The following IL36A variants were observed in gnomAD, a reference collection of about 807,000 sequenced individuals.
IL36A encodes interleukin-36 alpha.
IL36A carries 13 observed loss-of-function variants against 12.7 expected under a neutral mutation model. The observed-to-expected ratio is 1.02, with a 90% confidence interval of 0.67 to 1.63. IL36A has a LOEUF of 1.63. Among genes scored for constraint, IL36A ranks in the 40% most tolerant of loss-of-function variants. The pLI is 0.00. For synonymous variants in IL36A, 73 were observed against 71.9 expected, an observed-to-expected ratio of 1.01 and a Z score of -0.08; for missense variants, 195 against 192.9, an observed-to-expected ratio of 1.01 and a Z score of -0.07.
chr2:113,008,058 T>A, downstream of IL36A: 1 of 1,601,232 alleles, frequency 6.2e-7, no homozygotes. Flanking sequence ...CAGTTGGGTT[T>A]GGAGGATAGT....
In IL36A at chr2:113,007,992, A is replaced by G; in HGVS notation, c.425A>G (p.Gln142Arg). ...GGAGGCTGTCCTCTCATCCTTACCC[A>G]AGAACTGGGGAAAGCCAACACTACT... ...SEGGCPLILT[Q>R]ELGKANTTDF... The change falls in exon 4 of 4, where the codon CAA becomes CGA. Residue 142 changes from glutamine to arginine, a missense_variant. Coordinates refer to ENST00000259211, the MANE Select transcript of IL36A (RefSeq NM_014440.3). The G allele has an allele frequency of 6.2e-7, 1 of 1,614,180 alleles. No individual in the cohort carries two copies. The highest frequency in any genetic ancestry group is 8.5e-7 in the Non-Finnish European group (1 of 1,180,028).
At chr2:113,006,154 T>C (rs1460045713) in intron 2 of IL36A, 67 bp downstream of exon 2, 3 of 1,016,744 alleles carry the variant, frequency 3.0e-6, no homozygotes, top group Non-Finnish European at 4.7e-6. Flanking sequence ...GGTGCTCAGA[T>C]GTTATTCCAC....
At chr2:113,007,028 A>G (rs1684638081) in intron 3 of IL36A, among the ~76,000 whole-genome samples, 1 of 152,254 alleles carries the variant, frequency 6.6e-6, no homozygotes, top group African/African-American at 2.4e-5. Context: ...GCAGTTAATT[A>G]TCACAAAGTA....
At chr2:113,011,060 T>C (rs528580230), downstream of IL36A, among the ~76,000 whole-genome samples, 99 of 152,362 alleles carry the variant, frequency 6.5e-4, no homozygotes, top group African/African-American at 2.0e-3. Context: ...TTTTCTTCTT[T>C]TTAAAGGCTG....
downstream of IL36A, among the ~76,000 whole-genome samples, chr2:113,010,972 A>T (rs1684718091): frequency 6.6e-6 from 1 of 152,060 alleles, no homozygotes; most frequent in Admixed American, 6.6e-5. Context: ...ATCATGCAGT[A>T]TTTGTCGTTT....
At chr2:113,008,944 A>G (rs1248062185), downstream of IL36A, among the ~76,000 whole-genome samples, 3 of 148,926 alleles carry the variant, frequency 2.0e-5, no homozygotes, top group African/African-American at 7.4e-5. Context: ...AGCATTAGGT[A>G]TATCTCCTAA....
At chr2:113,008,702 C>T (rs1232581299), downstream of IL36A, among the ~76,000 whole-genome samples, 5 of 151,798 alleles carry the variant, frequency 3.3e-5, no homozygotes, top group Non-Finnish European at 7.4e-5. Flanking sequence ...AAAGAGGAGA[C>T]CAAAAAGAAA....
At chr2:113,008,816 TTAAAAA>T (rs1558825449), downstream of IL36A, among the ~76,000 whole-genome samples, 1 of 151,398 alleles carries the variant, frequency 6.6e-6, no homozygotes. Flanking sequence ...CTTTTTTTTT[TTAAAAA>T]TTTTATTATT....
At chr2:113,009,163 T>C (rs977806438), downstream of IL36A, among the ~76,000 whole-genome samples, 8 of 151,940 alleles carry the variant, frequency 5.3e-5, no homozygotes, top group African/African-American at 1.9e-4. Flanking sequence ...TCATTTTTTA[T>C]GGCTGCTTAG....
intron 3 of IL36A, 64 bp from the exon 4 acceptor site, chr2:113,007,768 T>C (rs1684651665): frequency 1.5e-6 from 2 of 1,314,924 alleles, no homozygotes; most frequent in African/African-American, 1.4e-5. Context: ...AATATCAGTG[T>C]GTAAAGAATG....
chr2:113,006,136 G>A (rs531844877), intron 2 of IL36A, 49 bp downstream of exon 2: 2 of 1,172,030 alleles, frequency 1.7e-6, no homozygotes, highest in Non-Finnish European at 1.3e-6. Context: ...CAGTGCTGTT[G>A]TGTGTTTGGT....
chr2:113,010,906 T>G (rs909494642), downstream of IL36A, among the ~76,000 whole-genome samples: 1 of 152,206 alleles, frequency 6.6e-6, no homozygotes, highest in Non-Finnish European at 1.5e-5. Context: ...GAAACCACCA[T>G]TCTACTCTCT....
intron 3 of IL36A, among the ~76,000 whole-genome samples, chr2:113,007,025 AT>A (rs1296905428): frequency 6.6e-6 from 1 of 152,258 alleles, no homozygotes; most frequent in Non-Finnish European, 1.5e-5. Flanking sequence ...TTAGCAGTTA[AT>A]TATCACAAAG....
At chr2:113,010,139 A>G (rs1363584489), downstream of IL36A, among the ~76,000 whole-genome samples, 1 of 152,174 alleles carries the variant, frequency 6.6e-6, no homozygotes, top group African/African-American at 2.4e-5. Context: ...ACTTTCCATT[A>G]TATTTTTACT....
Position 113,005,763 on chromosome 2 carries a change from C to A in IL36A, c.-109C>A. The A allele has an allele frequency of 7.9e-7, 1 of 1,259,676 alleles. No individual in the cohort carries two copies. Among genetic ancestry groups the A allele is most frequent in the Non-Finnish European group, 1.2e-6 (1 of 857,432 alleles). The allele number at this position is 1,259,676 out of a possible 1,614,324, so 78.0% of individuals were successfully genotyped here. On this transcript the variant is annotated 5_prime_UTR_variant, in exon 1 of 4. In the 5' UTR this introduces an upstream ATG that the reference lacks. Transcript: ENST00000259211. ...GCTGGGCTGGCCGCCAGTCTTTCAT[C>A]TGACCCAGGGTTAAACTGTGGCTTG...
downstream of IL36A, among the ~76,000 whole-genome samples, chr2:113,010,087 A>G (rs1684706132): frequency 6.6e-6 from 1 of 152,136 alleles, no homozygotes; most frequent in Non-Finnish European, 1.5e-5. Flanking sequence ...CCGTATTATG[A>G]TTCCCAAAAT....
In IL36A at chr2:113,005,837, C is replaced by T. The variant is rs765575924; in HGVS notation, c.-35C>T. 11 of 1,613,672 alleles carry T rather than the reference C, an allele frequency of 6.8e-6. No homozygotes were observed. The South Asian group carries it at 1.1e-4, about 16-fold the overall frequency. ...GGGTCGGTCTGCACATAAAAGGACT[C>T]CTATCCTTGGCAGTTCTGAAACAAC... On this transcript the variant is annotated 5_prime_UTR_variant, in exon 1 of 4. Transcript: ENST00000259211.
intron 3 of IL36A, 84 bp from the exon 4 acceptor site, chr2:113,007,748 T>C: frequency 1.8e-6 from 2 of 1,119,772 alleles, no homozygotes; most frequent in Non-Finnish European, 2.7e-6. Flanking sequence ...AATGCTATCC[T>C]TGGACGTGGA....
intron 3 of IL36A, among the ~76,000 whole-genome samples, chr2:113,006,964 AT>A (rs1389039556): frequency 6.6e-6 from 1 of 152,238 alleles, no homozygotes; most frequent in Non-Finnish European, 1.5e-5. Flanking sequence ...GGCAAGGATG[AT>A]GTCTAACTTC....
Sources: allele counts gnomAD v4.1 joint callset (sites outside exome capture counted in the v4.1 genomes callset), GRCh38; gene constraint gnomAD v4.1.1; transcripts MANE v1.5; gene names NCBI Gene and HGNC (gene_info 2026-07-23, HGNC 2026-07-21).